SLC9B1: variants seen among roughly 807,000 people sequenced by gnomAD.
The protein encoded by SLC9B1 is solute carrier family 9 member B1.
Under a neutral mutation model 51.7 loss-of-function variants are expected in SLC9B1, and 32 were observed. That is an observed-to-expected ratio of 0.62 (90% confidence interval 0.47 to 0.83). SLC9B1 has a LOEUF of 0.83. Among genes scored for constraint, SLC9B1 ranks in the 40% least tolerant of loss-of-function variants. The pLI is 0.00. For synonymous variants in SLC9B1, 145 were observed against 212.7 expected (o/e 0.68, Z 2.77); for missense variants, 406 against 613.2 (o/e 0.66, Z 3.57).
chr4:102,950,260 T>C (rs1449028337), intron 3 of SLC9B1, among the ~76,000 whole-genome samples: 3 of 152,160 alleles, frequency 2.0e-5, no homozygotes, highest in South Asian at 2.1e-4. Flanking sequence ...GAGGAGGTAA[T>C]GGCTGGAAGA....
At chr4:102,891,740 A>G (rs114168354) in intron 11 of SLC9B1, 1 of 152,230 alleles carries the variant, frequency 6.6e-6, no homozygotes, top group Non-Finnish European at 1.5e-5. Flanking sequence ...TTATTTTGTT[A>G]AAGTTTGAGG....
At chr4:103,012,254 G>C (rs1374193422) in intron 1 of SLC9B1, among the ~76,000 whole-genome samples, 3 of 152,138 alleles carry the variant, frequency 2.0e-5, no homozygotes, top group Non-Finnish European at 4.4e-5. Flanking sequence ...CAAAGCATTA[G>C]GACACAGGTG....
chr4:102,900,434 T>C (rs1021247110), downstream of SLC9B1, among the ~76,000 whole-genome samples: 6 of 152,366 alleles, frequency 3.9e-5, no homozygotes, highest in African/African-American at 9.6e-5. Context: ...AAAATACTAA[T>C]TGAAAAAAAT....
At chr4:102,998,235 T>C (rs1360036678) in intron 1 of SLC9B1, among the ~76,000 whole-genome samples, 4 of 152,202 alleles carry the variant, frequency 2.6e-5, no homozygotes, top group African/African-American at 9.6e-5. Flanking sequence ...AATGTGAATA[T>C]TCTAGGTACT....
chr4:102,982,862 G>A (rs1739429711), intron 3 of SLC9B1, among the ~76,000 whole-genome samples: 1 of 151,966 alleles, frequency 6.6e-6, no homozygotes, highest in African/African-American at 2.4e-5. Context: ...TTCCTAACCT[G>A]TATACCTTTT....
intron 7 of SLC9B1, among the ~76,000 whole-genome samples, chr4:102,930,928 T>C (rs1736416540): frequency 6.6e-6 from 1 of 151,936 alleles, no homozygotes. Context: ...CAATTCAGGT[T>C]ATAAGAACAT....
chr4:102,981,510 A>G (rs920220459), intron 3 of SLC9B1, among the ~76,000 whole-genome samples: 4 of 152,120 alleles, frequency 2.6e-5, no homozygotes, highest in African/African-American at 9.7e-5. Context: ...ACCCTTGCCA[A>G]GATTTAGTGG....
intron 11 of SLC9B1, among the ~76,000 whole-genome samples, chr4:102,895,844 A>G (rs1284359954): frequency 1.3e-5 from 2 of 152,236 alleles, no homozygotes; most frequent in Non-Finnish European, 2.9e-5. Flanking sequence ...GCAAAAAAGG[A>G]TAGAGTCACT....
Position 102,910,749 on chromosome 4 carries a change from A to G in SLC9B1, c.937-161T>C, listed in dbSNP as rs17009006. On this transcript the variant is annotated intron_variant, in intron 8 of 11. Transcript: ENST00000296422. The stretch of plus-strand genomic sequence containing the variant: ...TCTTTCTCACCATATATTTTAGCAG[A>G]CTTACTACCAAGTAACAAAATTTGC... 6.2e-3 allele frequency among the ~76,000 whole-genome samples: 942 copies of G among 152,242 alleles called. 20 individuals carry two copies. The East Asian group carries it at 0.076, about 12-fold the overall frequency.
chr4:102,988,977 G>A (rs1739807173), intron 3 of SLC9B1, among the ~76,000 whole-genome samples: 1 of 151,936 alleles, frequency 6.6e-6, no homozygotes, highest in South Asian at 2.1e-4. Flanking sequence ...CAAGTCATGG[G>A]AACATATGTA....
chr4:102,985,086 T>C (rs1160439262), intron 3 of SLC9B1, among the ~76,000 whole-genome samples: 2 of 152,238 alleles, frequency 1.3e-5, no homozygotes, highest in Non-Finnish European at 2.9e-5. Flanking sequence ...CTCCACTTTA[T>C]TCCTGATAAC....
chr4:102,959,550 A>G (rs1408874343), intron 3 of SLC9B1, among the ~76,000 whole-genome samples: 2 of 152,214 alleles, frequency 1.3e-5, no homozygotes, highest in African/African-American at 2.4e-5. Flanking sequence ...GATATATGTG[A>G]AAAGAACACT....
At chr4:102,987,317 C>G (rs1415898304) in intron 3 of SLC9B1, among the ~76,000 whole-genome samples, 2 of 152,286 alleles carry the variant, frequency 1.3e-5, no homozygotes, top group East Asian at 3.9e-4. Context: ...GGGAACAGAA[C>G]TTCTCCATTA....
intron 11 of SLC9B1, among the ~76,000 whole-genome samples, chr4:102,886,402 A>T (rs974740409): frequency 6.6e-5 from 10 of 152,018 alleles, no homozygotes; most frequent in Non-Finnish European, 1.5e-4. Flanking sequence ...GAGGCAGGAA[A>T]ATCACTTGAA....
chr4:103,007,247 T>C (rs1383444372), intron 1 of SLC9B1, among the ~76,000 whole-genome samples: 1 of 152,094 alleles, frequency 6.6e-6, no homozygotes, highest in Non-Finnish European at 1.5e-5. Context: ...GCCCAAAAGC[T>C]CCTAGATATA....
intron 1 of SLC9B1, among the ~76,000 whole-genome samples, chr4:103,016,505 A>G (rs1010872550): frequency 2.6e-5 from 4 of 152,108 alleles, no homozygotes; most frequent in African/African-American, 4.8e-5. Flanking sequence ...TTATTGTACT[A>G]GTCAAGGCAT....
At chr4:102,925,320 C>T (rs1458039980) in intron 7 of SLC9B1, among the ~76,000 whole-genome samples, 6 of 152,032 alleles carry the variant, frequency 3.9e-5, no homozygotes, top group East Asian at 3.9e-4. Context: ...AACCAAACAC[C>T]GCATGTTCTC....
chr4:102,890,138 CA>C (rs1420740384), intron 11 of SLC9B1: 2 of 152,142 alleles, frequency 1.3e-5, no homozygotes, highest in Admixed American at 1.3e-4. Flanking sequence ...GGTAATTAAG[CA>C]AGTTGAATTA....
At chr4:102,885,062 G>A (rs1223619247) in exon 12 of SLC9B1, 1 of 670,242 alleles carries the variant, frequency 1.5e-6, no homozygotes, top group East Asian at 2.8e-5. Context: ...GGTAGAGCTG[G>A]CTTTATTGTG....
Sources: allele counts gnomAD v4.1 joint callset (sites outside exome capture counted in the v4.1 genomes callset), GRCh38; gene constraint gnomAD v4.1.1; transcripts MANE v1.5; gene names NCBI Gene and HGNC (gene_info 2026-07-23, HGNC 2026-07-21).